CXCL2: variants seen among roughly 807,000 people sequenced by gnomAD.
CXCL2 encodes the protein C-X-C motif chemokine 2.
In CXCL2, 12 loss-of-function variants were observed where a neutral mutation model predicts 11.2. The ratio of observed to expected loss-of-function variants is 1.08; its 90% CI spans 0.69 to 1.74. CXCL2 has a LOEUF of 1.74. Ranked by LOEUF, CXCL2 falls within the 40% of genes most tolerant of loss-of-function variation. The probability of loss-of-function intolerance (pLI) is 0.00; values close to 1 mark genes in which losing one functional copy is unlikely to be tolerated. For synonymous variants in CXCL2, 68 were observed against 61.9 expected, an observed-to-expected ratio of 1.10 and a Z score of -0.47; for missense variants, 120 against 137.8, an observed-to-expected ratio of 0.87 and a Z score of 0.65.
chr4:74,097,572 T>C lies in CXCL2; in HGVS notation c.*184A>G. On this transcript the variant is annotated 3_prime_UTR_variant, in exon 4 of 4. Coordinates refer to ENST00000508487, the MANE Select transcript of CXCL2 (RefSeq NM_002089.4). ...TTACACATAAAATATTAACATAGAA[T>C]CTTCTAAAACAAACAAATAAATAAA... 2.6e-6 allele frequency: 1 copy of C among 382,832 alleles called. No homozygotes were observed. The highest frequency in any genetic ancestry group is 2.1e-5 in the African/African-American group (1 of 47,978). The allele number at this position is 382,832 out of a possible 1,614,324, so 23.7% of individuals were successfully genotyped here. A position where few individuals can be genotyped will look rare whatever the true frequency, so the allele number is the denominator to read the frequency against.
chr4:74,098,753 G>T, intron 2 of CXCL2, 46 bp downstream of exon 2: 1 of 1,613,464 alleles, frequency 6.2e-7, no homozygotes, highest in South Asian at 1.1e-5. Flanking sequence ...CAGCGGGAGA[G>T]TCGGGGACCC....
chr4:74,098,660 T>C lies in CXCL2; in HGVS notation c.249A>G (p.Lys83=), dbSNP rs746075939. The change falls in exon 3 of 4, where the codon AAA becomes AAG. Residue 83 remains lysine (K), a synonymous_variant. Coordinates refer to ENST00000508487, the MANE Select transcript of CXCL2 (RefSeq NM_002089.4). ...TGGGCGATGCGGGGTTGAGACAAGC[T>C]TTCTGCCCATTCTTGAGTGTGGCTC... ...EVIATLKNGQ[K]ACLNPASPMV... is the part of the protein sequence containing the mutation. The C allele has an allele frequency of 1.2e-6, 2 of 1,614,124 alleles. No homozygotes were observed. The highest frequency in any genetic ancestry group is 1.7e-6 in the Non-Finnish European group (2 of 1,180,008).
rs199782155 is a variant in CXCL2, at chr4:74,099,051, G to A, written c.70C>T (p.Leu24Phe). Reference protein sequence around the residue: ...RLLRVALLLLLLVAASRRAAG... With the variant: ...RLLRVALLLLFLVAASRRAAG... Reference sequence around the variant, plus strand: ...GCGCGCCGGCTGGCGGCCACCAGGAGCAGGAGCAGCAGCGCCACCCGCAGG... The same window carrying A: ...GCGCGCCGGCTGGCGGCCACCAGGAACAGGAGCAGCAGCGCCACCCGCAGG... The change falls in exon 1 of 4, where the codon CTC (leucine) becomes TTC (phenylalanine). Residue 24 changes from leucine (L) to phenylalanine (F), a missense_variant. Physicochemically the swap from Leu to Phe is conservative, Grantham distance 22 (BLOSUM62 0). Coordinates refer to ENST00000508487, the MANE Select transcript of CXCL2 (RefSeq NM_002089.4). The A allele has an allele frequency of 2.3e-4, 339 of 1,490,692 alleles. No homozygotes were observed. In the African/African-American group the frequency reaches 4.6e-3, roughly 20 times the overall value. 92.3% of individuals were successfully genotyped at this position (1,490,692 alleles called of 1,614,324 possible). A position where few individuals can be genotyped will look rare whatever the true frequency, so the allele number is the denominator to read the frequency against.
chr4:74,099,002 C>A lies in CXCL2; in HGVS notation c.100+19G>T, dbSNP rs763155248. 3 of 1,549,130 alleles carry A rather than the reference C, an allele frequency of 1.9e-6. No homozygotes were observed. In the South Asian group the frequency reaches 3.6e-5, roughly 19 times the overall value. On this transcript the variant is annotated intron_variant, in intron 1 of 3. Transcript: ENST00000508487. ...CCCAGCCGCGTCCGGCCCGGGGACC[C>A]CAGGGCGCCGGGACCCACCTGCTGC...
At chr4:74,097,907 G>A (rs1721316222) in intron 3 of CXCL2, 136 bp from the exon 4 acceptor site, 5 of 847,692 alleles carry the variant, frequency 5.9e-6, no homozygotes, top group Non-Finnish European at 8.5e-6. Context: ...AGTGGGTACT[G>A]CCTGTGACAG....
Position 74,099,194 on chromosome 4 carries a change from G to T in CXCL2, c.-74C>A. 1 of 1,373,700 alleles carries T rather than the reference G, an allele frequency of 7.3e-7. No homozygotes were observed. The highest frequency in any genetic ancestry group is 9.4e-7 in the Non-Finnish European group (1 of 1,068,084). 85.1% of individuals were successfully genotyped at this position (1,373,700 alleles called of 1,614,324 possible). A position where few individuals can be genotyped will look rare whatever the true frequency, so the allele number is the denominator to read the frequency against. ...AGGAGCTGCCTGTGGCCCGGGCTCT[G>T]TGGCTCTCCGAGAACGGCGAACCCC... On this transcript the variant is annotated 5_prime_UTR_variant, in exon 1 of 4. Coordinates refer to ENST00000508487, the MANE Select transcript of CXCL2 (RefSeq NM_002089.4).
In CXCL2 at chr4:74,097,517, T is replaced by C; in HGVS notation, c.*239A>G. On this transcript the variant is annotated 3_prime_UTR_variant, in exon 4 of 4. Coordinates refer to ENST00000508487, the MANE Select transcript of CXCL2 (RefSeq NM_002089.4). ...ATAAACAATAAATATAATGGGAGAG[T>C]GTGCAAGTAGATTCAATCATAACCT... is the stretch of plus-strand genomic sequence containing the variant. 3.5e-6 allele frequency: 1 copy of C among 286,184 alleles called. No homozygotes were observed. The highest frequency in any genetic ancestry group is 5.6e-5 in the East Asian group (1 of 17,844). The allele number at this position is 286,184 out of a possible 1,614,324, so 17.7% of individuals were successfully genotyped here.
In CXCL2 at chr4:74,098,970, C is replaced by G. The variant is rs911370769; in HGVS notation, c.101-48G>C. Reference sequence around the variant, plus strand: ...ATTGAGCGGGGCTGTCGGCGCGGGGCGCCCACCCCAGCCGCGTCCGGCCCG... The same window carrying G: ...ATTGAGCGGGGCTGTCGGCGCGGGGGGCCCACCCCAGCCGCGTCCGGCCCG... On this transcript the variant is annotated intron_variant, in intron 1 of 3. Transcript: ENST00000508487. The G allele has an allele frequency of 6.3e-6, 10 of 1,592,068 alleles. No individual in the cohort carries two copies. The African/African-American group carries it at 1.4e-4, about 22-fold the overall frequency.
At chr4:74,098,755 C>G (rs1169744527) in intron 2 of CXCL2, 44 bp downstream of exon 2, 1 of 1,613,304 alleles carries the variant, frequency 6.2e-7, no homozygotes, top group African/African-American at 1.3e-5. Flanking sequence ...GCGGGAGAGT[C>G]GGGGACCCCA....
In CXCL2 at chr4:74,098,665, G is replaced by A. The variant is rs1560392068; in HGVS notation, c.244C>T (p.Gln82Ter). ...TEVIATLKNG[Q>*]KACLNPASPM... is the part of the protein sequence containing the mutation. ...GATGCGGGGTTGAGACAAGCTTTCT[G>A]CCCATTCTTGAGTGTGGCTCTGCAG... The change falls in exon 3 of 4, where the codon CAG becomes TAG. Residue 82 changes from glutamine to a stop codon, truncating the protein, a stop_gained. Transcript: ENST00000508487. LOFTEE classifies it high-confidence loss of function. 5 of 1,613,980 alleles carry A rather than the reference G, an allele frequency of 3.1e-6. No individual in the cohort carries two copies. The highest frequency in any genetic ancestry group is 1.7e-5 in the Admixed American group (1 of 59,976).
rs1194866065 is a variant in CXCL2 at position 74,098,878 on chromosome 4, G to A, written c.145C>T (p.Leu49=). 7 of 1,614,100 alleles carry A rather than the reference G, an allele frequency of 4.3e-6. No individual in the cohort carries two copies. The highest frequency in any genetic ancestry group is 2.2e-5 in the East Asian group (1 of 44,878). The change falls in exon 2 of 4, where the codon CTG becomes TTG. Residue 49 remains leucine (L), a synonymous_variant. Transcript: ENST00000508487. The part of the protein sequence containing the change: ...TELRCQCLQT[L]QGIHLKNIQS... ...ATGTTCTTGAGGTGAATTCCCTGCAGGGTCTGCAAGCACTGGCAGCGCAGT... is the reference window on the plus strand; with the variant it reads ...ATGTTCTTGAGGTGAATTCCCTGCAAGGTCTGCAAGCACTGGCAGCGCAGT...
Position 74,098,941 on chromosome 4 carries a change from G to A in CXCL2, c.101-19C>T, listed in dbSNP as rs777759075. 12 of 1,609,156 alleles carry A rather than the reference G, an allele frequency of 7.5e-6. No individual in the cohort carries two copies. The highest frequency in any genetic ancestry group is 3.4e-4 in the Middle Eastern group (2 of 5,806). ...GGCGCTCCTAGGGAAGAAGAGACTC[G>A]CTGATTGAGCGGGGCTGTCGGCGCG... is the stretch of plus-strand genomic sequence containing the variant. On this transcript the variant is annotated intron_variant, in intron 1 of 3. Coordinates refer to ENST00000508487, the MANE Select transcript of CXCL2 (RefSeq NM_002089.4).
In CXCL2 at chr4:74,099,070, C is replaced by T. The variant is rs778719789; in HGVS notation, c.51G>A (p.Arg17=). 11 of 1,494,920 alleles carry T rather than the reference C, an allele frequency of 7.4e-6. No homozygotes were observed. The highest frequency in any genetic ancestry group is 6.9e-5 in the Admixed American group (3 of 43,498). 92.6% of individuals were successfully genotyped at this position (1,494,920 alleles called of 1,614,324 possible). A position where few individuals can be genotyped will look rare whatever the true frequency, so the allele number is the denominator to read the frequency against. The change falls in exon 1 of 4, where the codon CGG becomes CGA. Residue 17 remains arginine, a synonymous_variant. Transcript: ENST00000508487. ...SAAPSNPRLL[R]VALLLLLLVA... Reference sequence around the variant, plus strand: ...CCAGGAGCAGGAGCAGCAGCGCCACCCGCAGGAGCCGGGGATTGCTGGGGG... The same window carrying T: ...CCAGGAGCAGGAGCAGCAGCGCCACTCGCAGGAGCCGGGGATTGCTGGGGG...
Position 74,097,638 on chromosome 4 carries a change from AC to A in CXCL2, c.*117del. ...AAGACTTCTCCTAAGTGATGCTCAA[AC>A]ACATTAGGCGCAATCCAGGTGGCCT... On this transcript the variant is annotated 3_prime_UTR_variant, in exon 4 of 4. Coordinates refer to ENST00000508487, the MANE Select transcript of CXCL2 (RefSeq NM_002089.4). 3 of 880,544 alleles carry A rather than the reference AC, an allele frequency of 3.4e-6. No individual in the cohort carries two copies. Among genetic ancestry groups the A allele is most frequent in the Non-Finnish European group, 4.7e-6 (3 of 632,406 alleles). 54.5% of individuals were successfully genotyped at this position (880,544 alleles called of 1,614,324 possible). A position where few individuals can be genotyped will look rare whatever the true frequency, so the allele number is the denominator to read the frequency against.
At position 74,097,607 on chromosome 4, in the gene CXCL2, AAATAG is replaced by A; in HGVS notation, c.*144_*148del. The A allele has an allele frequency of 2.0e-6, 1 of 493,748 alleles. No individual in the cohort carries two copies. The highest frequency in any genetic ancestry group is 3.2e-6 in the Non-Finnish European group (1 of 308,738). 30.6% of individuals were successfully genotyped at this position (493,748 alleles called of 1,614,324 possible). On this transcript the variant is annotated 3_prime_UTR_variant, in exon 4 of 4. Transcript: ENST00000508487. Reference sequence around the variant, plus strand: ...CAAACAAATAAATAAATAAATAAATAAATAGAAGACTTCTCCTAAGTGATGCTCAA... The same window carrying A: ...CAAACAAATAAATAAATAAATAAATAAAGACTTCTCCTAAGTGATGCTCAA...
At position 74,097,703 on chromosome 4, in the gene CXCL2, G is replaced by C; in HGVS notation, c.*53C>G. ...TCTCTTTCCTCTTCTGTTCCTGTAA[G>C]GGCAGGGCCTCCTTCAGGAACAGCC... On this transcript the variant is annotated 3_prime_UTR_variant, in exon 4 of 4. Coordinates refer to ENST00000508487, the MANE Select transcript of CXCL2 (RefSeq NM_002089.4). 1.9e-6 allele frequency: 3 copies of C among 1,566,324 alleles called. No individual in the cohort carries two copies. In the South Asian group the frequency reaches 3.6e-5, roughly 19 times the overall value.
chr4:74,098,840 C>A lies in CXCL2; in HGVS notation c.183G>T (p.Lys61Asn). The change falls in exon 2 of 4, where the codon AAG becomes AAT. Residue 61 changes from lysine to asparagine, a missense_variant. By Grantham distance (94) the Lys-to-Asn change is moderately conservative. Coordinates refer to ENST00000508487, the MANE Select transcript of CXCL2 (RefSeq NM_002089.4). ...GIHLKNIQSV[K>N]VKSPGPHCAQ... ...CGCAGTGGGGTCCGGGGGACTTCAC[C>A]TTCACACTTTGGATGTTCTTGAGGT... is the stretch of plus-strand genomic sequence containing the variant. The A allele has an allele frequency of 6.2e-7, 1 of 1,614,188 alleles. No individual in the cohort carries two copies. The highest frequency in any genetic ancestry group is 1.7e-5 in the Admixed American group (1 of 60,030).
At position 74,097,773 on chromosome 4, in the gene CXCL2, T is replaced by C; in HGVS notation, c.309-2A>G. 6.2e-7 allele frequency: 1 copy of C among 1,601,070 alleles called. No homozygotes were observed. The highest frequency in any genetic ancestry group is 8.5e-7 in the Non-Finnish European group (1 of 1,172,262). On this transcript the variant is annotated splice_acceptor_variant, in intron 3 of 3. Transcript: ENST00000508487. LOFTEE classifies it high-confidence loss of function. ...CCTTCTGGTCAGTTGGATTTGCCACTGTAATGAGAAAATGGGTGCCCTGAG... is the reference window on the plus strand; with the variant it reads ...CCTTCTGGTCAGTTGGATTTGCCACCGTAATGAGAAAATGGGTGCCCTGAG...
rs1721315035 is a variant in CXCL2, at chr4:74,097,851, C to G, written c.309-80G>C. On this transcript the variant is annotated intron_variant, in intron 3 of 3. Transcript: ENST00000508487. ...ACAGTCTTCTCCTGTCCTGTTTCCC[C>G]AGGCTCTAGAGTTTTCTGAATGCAG... 10 of 1,413,438 alleles carry G rather than the reference C, an allele frequency of 7.1e-6. No homozygotes were observed. In the South Asian group the frequency reaches 1.2e-4, roughly 16 times the overall value. The allele number at this position is 1,413,438 out of a possible 1,614,324, so 87.6% of individuals were successfully genotyped here.
Sources: gnomAD v4.1 joint callset for allele counts on GRCh38, gnomAD v4.1.1 for gene constraint, MANE v1.5 for transcripts, NCBI Gene and HGNC (gene_info 2026-07-23, HGNC 2026-07-21) for gene names.